DCDC1: variants seen among roughly 807,000 people sequenced by gnomAD.
The protein encoded by DCDC1 is doublecortin domain containing 1, also known as doublecortin domain-containing protein 1.
In DCDC1, 200 loss-of-function variants were observed where a neutral mutation model predicts 178.3. That is an observed-to-expected ratio of 1.12 (90% CI 1.00 to 1.26). DCDC1 has a LOEUF of 1.26. Among genes scored for constraint, DCDC1 ranks in the 50% most tolerant of loss-of-function variants. The pLI is 0.00. For synonymous variants in DCDC1, 690 were observed against 604.8 expected, an observed-to-expected ratio of 1.14 and a Z score of -2.07; for missense variants, 1,983 against 1,749.2, an observed-to-expected ratio of 1.13 and a Z score of -2.38.
Position 31,175,451 on chromosome 11 carries a change from G to T in DCDC1, c.1222-37667C>A, listed in dbSNP as rs139889066. ...ACAGGGCAGCTGCTAAAGCTGGCTGGTTGCCTCACCCACACACACACCCAC... is the reference window on the plus strand; with the variant it reads ...ACAGGGCAGCTGCTAAAGCTGGCTGTTTGCCTCACCCACACACACACCCAC... On this transcript the variant is annotated intron_variant, in intron 9 of 38. Transcript: ENST00000684477. Among the ~76,000 whole-genome samples the T allele has an allele frequency of 6.0e-3, 912 of 152,310 alleles. 12 individuals carry two copies. The highest frequency in any genetic ancestry group is 0.021 in the African/African-American group (877 of 41,574).
At chr11:31,211,038 G>T (rs899470862) in intron 9 of DCDC1, among the ~76,000 whole-genome samples, 2 of 152,102 alleles carry the variant, frequency 1.3e-5, no homozygotes, top group Non-Finnish European at 2.9e-5. Context: ...AACTTACTTG[G>T]TTGATCTCTG....
At chr11:31,043,084 C>T (rs567338336) in intron 20 of DCDC1, among the ~76,000 whole-genome samples, 4 of 152,156 alleles carry the variant, frequency 2.6e-5, no homozygotes, top group Non-Finnish European at 4.4e-5. Flanking sequence ...GGCTACTAAC[C>T]TGTATAGCAT....
rs75417211 is a variant in DCDC1 at position 30,969,453 on chromosome 11, T to C, written c.2592-16885A>G. Among the ~76,000 whole-genome samples, 1,248 of 152,336 alleles carry C rather than the reference T, an allele frequency of 8.2e-3. 20 individuals carry two copies. The highest frequency in any genetic ancestry group is 0.029 in the African/African-American group (1,195 of 41,570). ...TTCCCTATAACCTCCAGAGGTAGTA[T>C]GGCCCCACTGACACTTGATTTTGGC... On this transcript the variant is annotated intron_variant, in intron 20 of 38. Coordinates refer to ENST00000684477, the MANE Select transcript of DCDC1 (RefSeq NM_001387274.1).
chr11:30,972,305 G>A (rs1949848282), intron 20 of DCDC1, among the ~76,000 whole-genome samples: 1 of 152,136 alleles, frequency 6.6e-6, no homozygotes, highest in South Asian at 2.1e-4. Context: ...CATTATAGGA[G>A]AGAATGAGAT....
intron 9 of DCDC1, among the ~76,000 whole-genome samples, chr11:31,160,865 C>A (rs1966254795): frequency 6.6e-6 from 1 of 152,082 alleles, no homozygotes; most frequent in South Asian, 2.1e-4. Context: ...AAAGCCTCAG[C>A]GATGCTAAAA....
At chr11:30,986,914 T>A (rs1950685036) in intron 20 of DCDC1, among the ~76,000 whole-genome samples, 1 of 152,194 alleles carries the variant, frequency 6.6e-6, no homozygotes, top group African/African-American at 2.4e-5. Context: ...ATGGTATTCT[T>A]TCTGAAGTGA....
chr11:31,269,615 G>T (rs981278559), intron 7 of DCDC1, among the ~76,000 whole-genome samples: 1 of 151,930 alleles, frequency 6.6e-6, no homozygotes, highest in Non-Finnish European at 1.5e-5. Context: ...AAGACCCCTG[G>T]TCTCAACTGA....
chr11:31,068,699 C>T (rs1956388509), intron 18 of DCDC1, among the ~76,000 whole-genome samples: 1 of 152,004 alleles, frequency 6.6e-6, no homozygotes. Flanking sequence ...TCAAAACTAA[C>T]ATGTATCCCT....
chr11:30,891,549 A>G (rs990333707), intron 36 of DCDC1, among the ~76,000 whole-genome samples: 6 of 152,216 alleles, frequency 3.9e-5, no homozygotes, highest in Non-Finnish European at 7.3e-5. Context: ...GCAATACTTA[A>G]GTGCATTTTA....
At position 31,019,567 on chromosome 11, in the gene DCDC1, T is replaced by C. The variant is rs534964422; in HGVS notation, c.2591+44902A>G. 2.0e-5 allele frequency among the ~76,000 whole-genome samples: 3 copies of C among 152,318 alleles called. No homozygotes were observed. The South Asian group carries it at 6.2e-4, about 32-fold the overall frequency. On this transcript the variant is annotated intron_variant, in intron 20 of 38. Coordinates refer to ENST00000684477, the MANE Select transcript of DCDC1 (RefSeq NM_001387274.1). ...AAAATGTCCACAAGAATTGTTTTTA[T>C]ATTTTTTTAAAATCCTTTTCTACAT...
intron 34 of DCDC1, among the ~76,000 whole-genome samples, chr11:30,897,616 A>G (rs1173936648): frequency 6.6e-6 from 1 of 150,708 alleles, no homozygotes; most frequent in East Asian, 1.9e-4. Context: ...TTGAATACTT[A>G]ATTGTAATAA....
At chr11:31,351,936 G>T (rs1951096574) in intron 1 of DCDC1, among the ~76,000 whole-genome samples, 1 of 152,032 alleles carries the variant, frequency 6.6e-6, no homozygotes, top group African/African-American at 2.4e-5. Context: ...AGTTTAAAGG[G>T]CTGCAGAGGG....
At chr11:31,290,119 T>C (rs1947119245) in intron 7 of DCDC1, among the ~76,000 whole-genome samples, 1 of 152,028 alleles carries the variant, frequency 6.6e-6, no homozygotes, top group African/African-American at 2.4e-5. Flanking sequence ...AAATTCTGTT[T>C]TTTAAAGTTT....
Position 31,315,461 on chromosome 11 carries a change from C to T in DCDC1, c.165-7553G>A, listed in dbSNP as rs139262626. 1.3e-4 allele frequency among the ~76,000 whole-genome samples: 19 copies of T among 151,412 alleles called. No homozygotes were observed. In the East Asian group the frequency reaches 3.1e-3, roughly 25 times the overall value. ...ACGCCATCCTCCTGCCTCAGCCTCC[C>T]GAGTAGCTGAGACTACAGGTGCACG... On this transcript the variant is annotated intron_variant, in intron 3 of 38. Transcript: ENST00000684477.
At chr11:31,037,741 G>C (rs1219173775) in intron 20 of DCDC1, among the ~76,000 whole-genome samples, 1 of 152,050 alleles carries the variant, frequency 6.6e-6, no homozygotes, top group East Asian at 1.9e-4. Context: ...GGGATTACAG[G>C]CGTGAGCCAC....
chr11:31,239,879 T>A (rs1247669850), intron 9 of DCDC1, among the ~76,000 whole-genome samples: 1 of 151,888 alleles, frequency 6.6e-6, no homozygotes, highest in Non-Finnish European at 1.5e-5. Flanking sequence ...TGCACAGAGC[T>A]CTTTTAAATC....
At chr11:30,879,324 G>T (rs183821281) in intron 37 of DCDC1, among the ~76,000 whole-genome samples, 1 of 152,148 alleles carries the variant, frequency 6.6e-6, no homozygotes, top group Non-Finnish European at 1.5e-5. Context: ...CCCTTAATGG[G>T]TATAGGCATG....
chr11:31,119,369 A>C (rs1275347675), intron 11 of DCDC1, among the ~76,000 whole-genome samples: 13 of 152,210 alleles, frequency 8.5e-5, no homozygotes, highest in Admixed American at 8.5e-4. Context: ...ATGTTTTACT[A>C]ACTGTACCTA....
At chr11:31,202,210 G>A (rs546305811) in intron 9 of DCDC1, among the ~76,000 whole-genome samples, 1 of 152,316 alleles carries the variant, frequency 6.6e-6, no homozygotes, top group Non-Finnish European at 1.5e-5. Flanking sequence ...GGTAGACAGT[G>A]TGGTCCTCTC....
Sources: allele counts gnomAD v4.1 joint callset (sites outside exome capture counted in the v4.1 genomes callset), GRCh38; gene constraint gnomAD v4.1.1; transcripts MANE v1.5; gene names NCBI Gene and HGNC (gene_info 2026-07-23, HGNC 2026-07-21).